Variants in IL16 observed in about 807,000 individuals in gnomAD.
IL16 encodes the protein pro-interleukin-16.
IL16 carries 67 observed loss-of-function variants against 110.1 expected under a neutral mutation model. That is an observed-to-expected ratio of 0.61 (90% CI 0.50 to 0.75). The LOEUF is 0.75. Among genes scored for constraint, IL16 ranks in the 30% least tolerant of loss-of-function variants. The pLI is 0.00. For missense variants in IL16, 1,545 were observed against 1,655.0 expected, an observed-to-expected ratio of 0.93 and a Z score of 1.15; for synonymous variants, 689 against 662.9, an observed-to-expected ratio of 1.04 and a Z score of -0.61.
At chr15:81,215,526 G>T (rs1183496951) in intron 1 of IL16, among the ~76,000 whole-genome samples, 1 of 152,204 alleles carries the variant, frequency 6.6e-6, no homozygotes, top group African/African-American at 2.4e-5. Context: ...GCAGTCGGGG[G>T]TGGAGACAAA....
chr15:81,251,618 T>C (rs2142148464), intron 2 of IL16, among the ~76,000 whole-genome samples: 1 of 152,316 alleles, frequency 6.6e-6, no homozygotes, highest in East Asian at 1.9e-4. Context: ...ATTTCTAGAA[T>C]ATAAAAAGAA....
chr15:81,283,539 A>G (rs1899292257), intron 9 of IL16, among the ~76,000 whole-genome samples: 1 of 152,226 alleles, frequency 6.6e-6, no homozygotes, highest in Non-Finnish European at 1.5e-5. Context: ...CAAAATCCCC[A>G]TGAATGTGTA....
chr15:81,268,238 A>G (rs1023010953), intron 4 of IL16, among the ~76,000 whole-genome samples: 21 of 152,246 alleles, frequency 1.4e-4, no homozygotes, highest in Non-Finnish European at 2.4e-4. Context: ...AGGGTGATCC[A>G]GAGAAGAGCA....
intron 1 of IL16, among the ~76,000 whole-genome samples, chr15:81,214,337 A>G (rs1050072253): frequency 6.6e-6 from 1 of 152,184 alleles, no homozygotes; most frequent in African/African-American, 2.4e-5. Context: ...TTCATTAAGC[A>G]TTTGCTAGTC....
At chr15:81,228,164 C>T (rs1338536726) in intron 2 of IL16, among the ~76,000 whole-genome samples, 4 of 152,028 alleles carry the variant, frequency 2.6e-5, no homozygotes, top group East Asian at 1.9e-4. Context: ...CAGGTGAGCA[C>T]GTCTATCACT....
At chr15:81,237,043 T>C (rs924639362) in intron 2 of IL16, among the ~76,000 whole-genome samples, 2 of 152,202 alleles carry the variant, frequency 1.3e-5, no homozygotes, top group African/African-American at 4.8e-5. Context: ...ATTTGTACAT[T>C]ACAACCCATG....
In IL16 at chr15:81,301,338, T is replaced by C. The variant is rs957771111; in HGVS notation, c.3150-6T>C. On this transcript the variant is annotated splice_region_variant and splice_polypyrimidine_tract_variant and intron_variant, in intron 14 of 18. Transcript: ENST00000683961. The stretch of plus-strand genomic sequence containing the variant: ...TCATACTGTGTGTTGTTTCTCCTTA[T>C]GAAAGCCTTTCAGAGCTGAGAGAAT... 5 of 1,593,828 alleles carry C rather than the reference T, an allele frequency of 3.1e-6. No individual in the cohort carries two copies. The highest frequency in any genetic ancestry group is 1.1e-5 in the South Asian group (1 of 87,402).
At chr15:81,263,058 T>C (rs962518766) in intron 3 of IL16, among the ~76,000 whole-genome samples, 1 of 152,252 alleles carries the variant, frequency 6.6e-6, no homozygotes, top group African/African-American at 2.4e-5. Flanking sequence ...CCTCTTGCTA[T>C]AATGATTGTG....
chr15:81,196,785 C>G, upstream of IL16: 1 of 1,059,216 alleles, frequency 9.4e-7, no homozygotes, highest in Non-Finnish European at 1.2e-6. Flanking sequence ...CTTCTCAGCA[C>G]TGGCAGCCCC....
chr15:81,237,157 G>A (rs1393412376), intron 2 of IL16, among the ~76,000 whole-genome samples: 1 of 152,056 alleles, frequency 6.6e-6, no homozygotes, highest in African/African-American at 2.4e-5. Context: ...TCATCTTTAT[G>A]AACCCAAGTT....
At position 81,303,015 on chromosome 15, in the gene IL16, A is replaced by AT. The variant is rs774299225; in HGVS notation, c.3319-533dup. Reference sequence around the variant, plus strand: ...GTCTAGGCTAGGAAGTACCGTAGTAATGTGTGTGTGTGTGTGTGTGTGTGT... The same window carrying AT: ...GTCTAGGCTAGGAAGTACCGTAGTAATTGTGTGTGTGTGTGTGTGTGTGTGT... On this transcript the variant is annotated intron_variant, in intron 15 of 18. Transcript: ENST00000683961. The surrounding 1 kb of genome is among the most constrained non-coding windows in gnomAD (Gnocchi z 4.1). Among the ~76,000 whole-genome samples the AT allele has an allele frequency of 1.3e-5, 2 of 150,038 alleles. No homozygotes were observed. Among genetic ancestry groups the AT allele is most frequent in the Non-Finnish European group, 3.0e-5 (2 of 67,522 alleles).
At chr15:81,268,887 G>C (rs1898509409) in intron 4 of IL16, among the ~76,000 whole-genome samples, 1 of 152,236 alleles carries the variant, frequency 6.6e-6, no homozygotes, top group South Asian at 2.1e-4. Flanking sequence ...AGAGGGCTAA[G>C]TCACTAAGCT....
chr15:81,286,311 G>C (rs774343646), intron 10 of IL16, among the ~76,000 whole-genome samples: 11 of 152,190 alleles, frequency 7.2e-5, no homozygotes, highest in South Asian at 2.1e-4. Flanking sequence ...AGCAGGGAAT[G>C]GTTGATAAAG....
At chr15:81,209,942 A>T (rs1896176466) in intron 1 of IL16, among the ~76,000 whole-genome samples, 2 of 152,242 alleles carry the variant, frequency 1.3e-5, no homozygotes, top group Admixed American at 1.3e-4. Flanking sequence ...TCTTTGCCAA[A>T]GCAGATGTTG....
In IL16 at chr15:81,203,467, A is replaced by G. The variant is rs1895896974; in HGVS notation, c.-102+6315A>G. 2.6e-5 allele frequency among the ~76,000 whole-genome samples: 4 copies of G among 152,188 alleles called. No individual in the cohort carries two copies. The South Asian group carries it at 8.3e-4, about 32-fold the overall frequency. On this transcript the variant is annotated intron_variant, in intron 1 of 18. Transcript: ENST00000683961. The stretch of plus-strand genomic sequence containing the variant: ...TTTATGGTTTTAGGTCTAACATTTA[A>G]GTCTTTAATCCATCTTGAATTAATT...
At chr15:81,250,658 C>G (rs1344942944) in intron 2 of IL16, among the ~76,000 whole-genome samples, 1 of 152,148 alleles carries the variant, frequency 6.6e-6, no homozygotes, top group African/African-American at 2.4e-5. Context: ...AGCCTGGAAT[C>G]ATTTTAAACT....
chr15:81,200,537 T>A (rs1461700261), intron 1 of IL16, among the ~76,000 whole-genome samples: 1 of 140,498 alleles, frequency 7.1e-6, no homozygotes, highest in African/African-American at 3.2e-5. Context: ...ACCTGGATAA[T>A]TTTTTGTATT....
At chr15:81,231,093 T>G (rs979188076) in intron 2 of IL16, among the ~76,000 whole-genome samples, 3 of 151,966 alleles carry the variant, frequency 2.0e-5, no homozygotes, top group Non-Finnish European at 4.4e-5. Context: ...AATCCCAGAA[T>G]TTTGGGAGGC....
chr15:81,286,277 A>C (rs1899446022), intron 10 of IL16, among the ~76,000 whole-genome samples: 1 of 152,244 alleles, frequency 6.6e-6, no homozygotes, highest in Non-Finnish European at 1.5e-5. Context: ...AGAGATGGTA[A>C]GTCCTATGAG....
Sources: gnomAD v4.1 joint callset for allele counts (sites outside exome capture counted in the v4.1 genomes callset) on GRCh38, gnomAD v4.1.1 for gene constraint, Gnocchi (gnomAD v3.1) non-coding constraint, MANE v1.5 for transcripts, NCBI Gene and HGNC (gene_info 2026-07-23, HGNC 2026-07-21) for gene names.